RSU1: variants seen among roughly 807,000 people sequenced by gnomAD.
RSU1 encodes Ras suppressor protein 1, also known as rsu-1.
In RSU1, 26 loss-of-function variants were observed where a neutral mutation model predicts 31.1. That is an observed-to-expected ratio of 0.84 (90% CI 0.61 to 1.16). The LOEUF is 1.16. RSU1 is among the 50% of genes most tolerant of loss of function. The pLI, the probability that RSU1 is intolerant of heterozygous loss-of-function variation, is 0.00. For missense variants in RSU1, 320 were observed against 339.1 expected (o/e 0.94, Z 0.44); for synonymous variants, 164 against 136.3 (o/e 1.20, Z -1.41).
chr10:16,690,602 A>T (rs1172227369), intron 8 of RSU1, among the ~76,000 whole-genome samples: 1 of 152,176 alleles, frequency 6.6e-6, no homozygotes, highest in Non-Finnish European at 1.5e-5. Context: ...CACTGAATTC[A>T]TTGTTTTCTT....
At chr10:16,802,013 C>T (rs1216415972) in intron 2 of RSU1, among the ~76,000 whole-genome samples, 1 of 151,644 alleles carries the variant, frequency 6.6e-6, no homozygotes, top group Non-Finnish European at 1.5e-5. Context: ...TAAACTTCTA[C>T]CCTAGAAAAC....
rs565257441 is a variant in RSU1 at position 16,783,302 on chromosome 10, G to A, written c.110-1218C>T. Among the ~76,000 whole-genome samples the A allele has an allele frequency of 2.0e-4, 31 of 151,434 alleles. 1 individual carries two copies. In the South Asian group the frequency reaches 5.2e-3, roughly 26 times the overall value. On this transcript the variant is annotated intron_variant, in intron 2 of 8. Transcript: ENST00000345264. ...AAAAATTTTTCTCAGGAAGGGTCTC[G>A]ATGTTGGGGCTCAGCACGCTTTGAA...
chr10:16,811,402 G>C (rs1210888635), intron 2 of RSU1, among the ~76,000 whole-genome samples: 1 of 152,164 alleles, frequency 6.6e-6, no homozygotes, highest in Non-Finnish European at 1.5e-5. Context: ...TGGTACACTA[G>C]GCCCTTATAG....
intron 7 of RSU1, among the ~76,000 whole-genome samples, chr10:16,736,614 G>A (rs141314500): frequency 9.9e-5 from 15 of 152,036 alleles, no homozygotes; most frequent in South Asian, 2.1e-4. Context: ...TAATGTCTAC[G>A]ATACAGTAAA....
chr10:16,817,018 T>C lies in RSU1; in HGVS notation c.64A>G (p.Met22Val), dbSNP rs1588555975. The change falls in exon 2 of 9, where the codon ATG becomes GTG. Residue 22 changes from methionine to valine, a missense_variant. Transcript: ENST00000345264. ...SREKNQPEVD[M>V]SDRGISNMLD... Reference sequence around the variant, plus strand: ...ATGTTGGAGATGCCCCGGTCACTCATGTCCACCTCGGGCTGGTTCTTCTCC... The same window carrying C: ...ATGTTGGAGATGCCCCGGTCACTCACGTCCACCTCGGGCTGGTTCTTCTCC... 2 of 1,614,238 alleles carry C rather than the reference T, an allele frequency of 1.2e-6. No homozygotes were observed. The highest frequency in any genetic ancestry group is 1.7e-6 in the Non-Finnish European group (2 of 1,180,022).
intron 8 of RSU1, among the ~76,000 whole-genome samples, chr10:16,672,142 CAA>C (rs528486452): frequency 0.061 from 6,877 of 112,378 alleles, 558 homozygotes; most frequent in African/African-American, 0.18. Context: ...ACTAAAAATA[CAA>C]AAAAAAAAAA....
At chr10:16,645,793 C>T (rs529630501) in intron 8 of RSU1, among the ~76,000 whole-genome samples, 5 of 147,158 alleles carry the variant, frequency 3.4e-5, no homozygotes, top group Admixed American at 6.9e-5. Flanking sequence ...GACGACAGAG[C>T]GAGACTCTGT....
intron 3 of RSU1, among the ~76,000 whole-genome samples, chr10:16,767,720 G>A (rs969270645): frequency 2.6e-5 from 4 of 152,174 alleles, no homozygotes; most frequent in Non-Finnish European, 5.9e-5. Context: ...TAGGTGCACA[G>A]TGCCATACTT....
At chr10:16,715,753 G>C (rs1467157841) in intron 7 of RSU1, among the ~76,000 whole-genome samples, 1 of 152,154 alleles carries the variant, frequency 6.6e-6, no homozygotes, top group Non-Finnish European at 1.5e-5. Flanking sequence ...CTTCAGTTTT[G>C]TTCTTTCTCA....
intron 7 of RSU1, among the ~76,000 whole-genome samples, chr10:16,726,423 C>G (rs374522258): frequency 6.6e-5 from 10 of 151,998 alleles, no homozygotes; most frequent in Admixed American, 2.0e-4. Flanking sequence ...CCCACCACCA[C>G]GCCCAGCTAA....
chr10:16,616,260 T>C (rs1278899360), intron 8 of RSU1, among the ~76,000 whole-genome samples: 1 of 148,348 alleles, frequency 6.7e-6, no homozygotes, highest in Non-Finnish European at 1.5e-5. Context: ...AAGAAACGGA[T>C]AAATTCCTGG....
intron 3 of RSU1, among the ~76,000 whole-genome samples, chr10:16,778,890 T>C (rs1837595920): frequency 6.6e-6 from 1 of 152,174 alleles, no homozygotes; most frequent in Non-Finnish European, 1.5e-5. Flanking sequence ...TTCTGCCAGG[T>C]GCGTACTGCA....
intron 7 of RSU1, among the ~76,000 whole-genome samples, chr10:16,730,783 T>C (rs750395498): frequency 1.3e-5 from 2 of 152,228 alleles, no homozygotes; most frequent in Non-Finnish European, 2.9e-5. Flanking sequence ...TATGCACCTA[T>C]GTGAATATTC....
At chr10:16,723,046 A>G (rs1000126604) in intron 7 of RSU1, 1 of 148,334 alleles carries the variant, frequency 6.7e-6, no homozygotes, top group Non-Finnish European at 1.5e-5. Flanking sequence ...ATATAGACAT[A>G]CATACACACA....
intron 7 of RSU1, among the ~76,000 whole-genome samples, chr10:16,736,188 T>TTAAC (rs1417744411): frequency 6.6e-6 from 1 of 152,054 alleles, no homozygotes; most frequent in Non-Finnish European, 1.5e-5. Flanking sequence ...TTGCCAAATA[T>TTAAC]TAACTACAAT....
At chr10:16,777,924 G>C (rs1490971761) in intron 3 of RSU1, among the ~76,000 whole-genome samples, 1 of 151,616 alleles carries the variant, frequency 6.6e-6, no homozygotes, top group African/African-American at 2.4e-5. Flanking sequence ...CGAGTCCTTT[G>C]TGTGCCTGAG....
At chr10:16,623,490 C>T (rs370445215) in intron 8 of RSU1, among the ~76,000 whole-genome samples, 5 of 152,306 alleles carry the variant, frequency 3.3e-5, no homozygotes, top group East Asian at 1.9e-4. Context: ...CTGCAACAAA[C>T]ACACGAGTGT....
intron 8 of RSU1, among the ~76,000 whole-genome samples, chr10:16,605,036 G>A (rs1305098485): frequency 6.6e-6 from 1 of 152,248 alleles, no homozygotes; most frequent in Non-Finnish European, 1.5e-5. Flanking sequence ...GACGGAGAGA[G>A]ACTGGGCCTA....
intron 7 of RSU1, chr10:16,723,098 C>G (rs965391503): frequency 1.3e-5 from 2 of 151,366 alleles, no homozygotes; most frequent in African/African-American, 4.9e-5. Flanking sequence ...ATATATCATA[C>G]GATTTGCTGT....
Sources: gnomAD v4.1 joint callset for allele counts (sites outside exome capture counted in the v4.1 genomes callset) on GRCh38, gnomAD v4.1.1 for gene constraint, MANE v1.5 for transcripts, NCBI Gene and HGNC (gene_info 2026-07-23, HGNC 2026-07-21) for gene names.